CAPN15: variants seen among roughly 807,000 people sequenced by gnomAD.
CAPN15 encodes calpain-15.
In CAPN15, 53 loss-of-function variants were observed where a neutral mutation model predicts 97.9. That is an observed-to-expected ratio of 0.54 (90% confidence interval 0.43 to 0.68). The LOEUF (loss-of-function observed/expected upper bound fraction) is 0.68. Among genes scored for constraint, CAPN15 ranks in the 30% least tolerant of loss-of-function variants. The pLI, the probability that CAPN15 is intolerant of heterozygous loss-of-function variation, is 0.00. For missense variants in CAPN15, 1,592 were observed against 1,589.8 expected (o/e 1.00, Z -0.02); for synonymous variants, 922 against 722.5 (o/e 1.28, Z -4.43).
At chr16:548,652 G>A (rs939948189) in intron 4 of CAPN15, among the ~76,000 whole-genome samples, 5 of 152,240 alleles carry the variant, frequency 3.3e-5, no homozygotes, top group African/African-American at 1.2e-4. Flanking sequence ...CCGCCCTCTA[G>A]AGTCCAGGAT....
chr16:532,577 G>A (rs1048698090), intron 1 of CAPN15, among the ~76,000 whole-genome samples: 2 of 149,456 alleles, frequency 1.3e-5, no homozygotes, highest in Non-Finnish European at 3.0e-5. Context: ...AAAGCCAGCC[G>A]CTGTGGCTCA....
chr16:552,237 G>T lies in CAPN15; in HGVS notation c.2507+25G>T. ...GGTGGGTGCTGCGGGGCCCCATCGGGCTGGGCTGGGCTAGGCTGGCGGCCG... is the reference window on the plus strand; with the variant it reads ...GGTGGGTGCTGCGGGGCCCCATCGGTCTGGGCTGGGCTAGGCTGGCGGCCG... On this transcript the variant is annotated intron_variant, in intron 10 of 13. Transcript: ENST00000219611. The surrounding 1 kb of genome is among the most constrained non-coding windows in gnomAD (Gnocchi z 6.4). The T allele has an allele frequency of 6.5e-7, 1 of 1,532,014 alleles. No homozygotes were observed. The highest frequency in any genetic ancestry group is 8.8e-7 in the Non-Finnish European group (1 of 1,138,062). 94.9% of individuals were successfully genotyped at this position (1,532,014 alleles called of 1,614,324 possible). A position where few individuals can be genotyped will look rare whatever the true frequency, so the allele number is the denominator to read the frequency against.
At position 552,661 on chromosome 16, in the gene CAPN15, C is replaced by T; in HGVS notation, c.2794C>T (p.Leu932=). The T allele has an allele frequency of 6.5e-7, 1 of 1,541,110 alleles. No individual in the cohort carries two copies. Among genetic ancestry groups the T allele is most frequent in the Non-Finnish European group, 8.7e-7 (1 of 1,144,270 alleles). The change falls in exon 12 of 14, where the codon CTG becomes TTG. Residue 932 remains leucine (L), a synonymous_variant. Coordinates refer to ENST00000219611, the MANE Select transcript of CAPN15 (RefSeq NM_005632.3). This position sits in a 1 kb window ranked among gnomAD's most constrained non-coding sequence, Gnocchi z 6.4. ...RASPEPPGHV[L]AVYSSRLVMV... ...CTCCCCAGAGCCGCCGGGCCACGTGCTGGCTGTGTACAGCTCGAGGCTGGT... is the reference window on the plus strand; with the variant it reads ...CTCCCCAGAGCCGCCGGGCCACGTGTTGGCTGTGTACAGCTCGAGGCTGGT...
intron 3 of CAPN15, among the ~76,000 whole-genome samples, chr16:544,079 C>T (rs879383619): frequency 3.9e-5 from 6 of 152,244 alleles, no homozygotes; most frequent in Admixed American, 2.6e-4. Context: ...CGGGCACCGG[C>T]GGCTCAGCAC....
chr16:548,728 G>A (rs1054468000), intron 4 of CAPN15, among the ~76,000 whole-genome samples: 4 of 152,226 alleles, frequency 2.6e-5, no homozygotes, highest in African/African-American at 9.6e-5. Flanking sequence ...GGCCAGAGTC[G>A]TGCTGCCACC....
chr16:550,762 CCCCTGCCGGTGAGGGT>C (rs2034954918), intron 7 of CAPN15, among the ~76,000 whole-genome samples: 1 of 16,978 alleles, frequency 5.9e-5, no homozygotes. Flanking sequence ...CGGTGAGGGT[CCCCTGCCGGTGAGGGT>C]CCCGGTCGGT....
rs370331827 is a variant in CAPN15, at chr16:534,231, C to CGGGGCCGTGTTCCTGTCGTGGG, written c.-137+233_-137+234insGGGGCCGTGTTCCTGTCGTGGG. On this transcript the variant is annotated intron_variant, in intron 2 of 13. Transcript: ENST00000219611. ...CGGTGAGGGCGGCCCGGGGTCCCGA[C>CGGGGCCGTGTTCCTGTCGTGGG]AGGGGTGTTTGTCCCTTTGGGGACC... Among the ~76,000 whole-genome samples, 55 of 147,868 alleles carry CGGGGCCGTGTTCCTGTCGTGGG rather than the reference C, an allele frequency of 3.7e-4. 1 individual carries two copies. Among genetic ancestry groups the CGGGGCCGTGTTCCTGTCGTGGG allele is most frequent in the East Asian group, 1.2e-3 (6 of 5,162 alleles).
intron 1 of CAPN15, among the ~76,000 whole-genome samples, chr16:530,556 G>A (rs973513091): frequency 2.0e-5 from 3 of 152,210 alleles, no homozygotes; most frequent in African/African-American, 4.8e-5. Flanking sequence ...GGAGGCTGTG[G>A]GTTGGGGCTG....
Position 552,260 on chromosome 16 carries a change from C to T in CAPN15, c.2508-41C>T, listed in dbSNP as rs764270392. 7.2e-6 allele frequency: 11 copies of T among 1,535,132 alleles called. No individual in the cohort carries two copies. The South Asian group carries it at 1.3e-4, about 18-fold the overall frequency. ...GGGCTGGGCTGGGCTAGGCTGGCGG[C>T]CGTGACCACGCGTGACCCTGGCCCG... is the stretch of plus-strand genomic sequence containing the variant. On this transcript the variant is annotated intron_variant, in intron 10 of 13. Transcript: ENST00000219611. The surrounding 1 kb of genome is among the most constrained non-coding windows in gnomAD (Gnocchi z 6.4).
At chr16:532,987 G>A (rs1435499525) in intron 1 of CAPN15, among the ~76,000 whole-genome samples, 3 of 151,182 alleles carry the variant, frequency 2.0e-5, no homozygotes, top group Non-Finnish European at 4.4e-5. Context: ...GGGGGAGGCC[G>A]AGGCGGGTGG....
intron 2 of CAPN15, among the ~76,000 whole-genome samples, chr16:534,935 G>A (rs1265539448): frequency 1.3e-5 from 2 of 152,176 alleles, no homozygotes; most frequent in Non-Finnish European, 2.9e-5. Flanking sequence ...GTGTGAGTGG[G>A]ACACGCCTGT....
chr16:547,822 C>G lies in CAPN15; in HGVS notation c.984C>G (p.Thr328=), dbSNP rs760400535. Residue 328 remains threonine (T), a synonymous_variant, in exon 4 of 14, where the codon ACC becomes ACG. Transcript: ENST00000219611. ...GSDIIDLAGD[T]VRYTPASPSS... is the part of the protein sequence containing the mutation. ...ACATCATTGACCTGGCCGGAGACACCGTGCGTTACACGCCCGCCAGCCCCT... is the reference window on the plus strand; with the variant it reads ...ACATCATTGACCTGGCCGGAGACACGGTGCGTTACACGCCCGCCAGCCCCT... The G allele has an allele frequency of 3.7e-6, 6 of 1,611,330 alleles. No individual in the cohort carries two copies. In the African/African-American group the frequency reaches 6.7e-5, roughly 18 times the overall value.
chr16:548,058 G>A lies in CAPN15; in HGVS notation c.1220G>A (p.Arg407His), dbSNP rs750725159. Residue 407 changes from arginine (R) to histidine (H), a missense_variant, in exon 4 of 14, where the codon CGC (arginine) becomes CAC (histidine). By Grantham distance (29) the Arg-to-His change is conservative. Around this residue, in one of 3 missense-constraint regions of CAPN15, gnomAD observed 883 missense variants for 776.6 expected, o/e 1.14. Transcript: ENST00000219611. The part of the protein sequence containing the change: ...GRVSSAQKAA[R>H]VLPERPGQWA... The stretch of plus-strand genomic sequence containing the variant: ...GTGTCCTCGGCCCAGAAGGCCGCCC[G>A]CGTCCTGCCCGAGCGCCCGGGCCAG... The A allele has an allele frequency of 4.6e-5, 72 of 1,549,638 alleles. No individual in the cohort carries two copies. The highest frequency in any genetic ancestry group is 5.8e-5 in the Non-Finnish European group (67 of 1,148,444).
rs769778361 is a variant in CAPN15, at chr16:546,834, G to A, written c.-5G>A. On this transcript the variant is annotated 5_prime_UTR_variant, in exon 4 of 14. Coordinates refer to ENST00000219611, the MANE Select transcript of CAPN15 (RefSeq NM_005632.3). ...CCTTGCAGCCACACCCACTCGCCCG[G>A]GTCTATGGCCACGGTCGGAGAGTGG... is the stretch of plus-strand genomic sequence containing the variant. 14 of 1,597,892 alleles carry A rather than the reference G, an allele frequency of 8.8e-6. No homozygotes were observed. In the East Asian group the frequency reaches 3.1e-4, roughly 36 times the overall value.
At position 547,918 on chromosome 16, in the gene CAPN15, C is replaced by T. The variant is rs79609879; in HGVS notation, c.1080C>T (p.Cys360=). The T allele has an allele frequency of 0.013, 21,084 of 1,607,724 alleles. 210 individuals carry two copies. Among genetic ancestry groups the T allele is most frequent in the East Asian group, 0.03 (1,320 of 44,546 alleles). The change falls in exon 4 of 14, where the codon TGC becomes TGT. Residue 360 remains cysteine (C), a synonymous_variant. Transcript: ENST00000219611. Reference sequence around the variant, plus strand: ...GAAACCCCACAGTGGCCCCCAGGTGCTCGGCCTGCGGCTGCTCCAAACTGC... The same window carrying T: ...GAAACCCCACAGTGGCCCCCAGGTGTTCGGCCTGCGGCTGCTCCAAACTGC... ...TLRNPTVAPR[C]SACGCSKLHG...
rs1450297196 is a variant in CAPN15 at position 549,282 on chromosome 16, G to C, written c.1659-6G>C. On this transcript the variant is annotated splice_region_variant and splice_polypyrimidine_tract_variant and intron_variant, in intron 5 of 13. Coordinates refer to ENST00000219611, the MANE Select transcript of CAPN15 (RefSeq NM_005632.3). ...CCCCGCGAGGTCACCCTGAGGCTCT[G>C]CGCAGGTTCCTGAGCGCCCTGGCGG... The C allele has an allele frequency of 6.3e-7, 1 of 1,580,568 alleles. No homozygotes were observed. Among genetic ancestry groups the C allele is most frequent in the Non-Finnish European group, 8.5e-7 (1 of 1,170,304 alleles).
At chr16:528,722 T>A in intron 1 of CAPN15, 3 of 985,350 alleles carry the variant, frequency 3.0e-6, no homozygotes, top group Non-Finnish European at 3.6e-6. Context: ...GGACTGCAGG[T>A]AACAAGACCC....
At chr16:528,679 C>CG (rs1376579529) in intron 1 of CAPN15, 1 of 982,668 alleles carries the variant, frequency 1.0e-6, no homozygotes, top group Non-Finnish European at 1.2e-6. Flanking sequence ...GGCGAGCTCT[C>CG]GGGGCCCCCT....
rs2035303543 is a variant in CAPN15, at chr16:554,346, T to C, written c.*830T>C. 8.1e-6 allele frequency: 3 copies of C among 372,092 alleles called. No individual in the cohort carries two copies. Among genetic ancestry groups the C allele is most frequent in the Admixed American group, 6.8e-5 (2 of 29,242 alleles). 23.0% of individuals were successfully genotyped at this position (372,092 alleles called of 1,614,324 possible). On this transcript the variant is annotated 3_prime_UTR_variant, in exon 14 of 14. Transcript: ENST00000219611. ...GTGTGGACGTCTGAGCCCAGCTTTC[T>C]GCGTGCCCTCCTGGCCCCTCACTCC... is the stretch of plus-strand genomic sequence containing the variant.
Sources: allele counts gnomAD v4.1 joint callset (sites outside exome capture counted in the v4.1 genomes callset), GRCh38; gene constraint gnomAD v4.1.1; regional missense constraint gnomAD v4.1.1; non-coding constraint Gnocchi (gnomAD v3.1); transcripts MANE v1.5; gene names NCBI Gene and HGNC (gene_info 2026-07-23, HGNC 2026-07-21).